PAQR8: variants seen among roughly 807,000 people sequenced by gnomAD.
PAQR8 encodes membrane progestin receptor beta.
A neutral mutation model predicts 25.2 loss-of-function variants in PAQR8; 17 were observed. The ratio of observed to expected loss-of-function variants is 0.67; its 90% CI spans 0.46 to 1.01. PAQR8 has a LOEUF of 1.01. Among genes scored for constraint, PAQR8 ranks in the 50% least tolerant of loss-of-function variants. The probability of loss-of-function intolerance (pLI) is 0.00; values close to 1 mark genes in which losing one functional copy is unlikely to be tolerated. For synonymous variants in PAQR8, 204 were observed against 190.6 expected, an observed-to-expected ratio of 1.07 and a Z score of -0.58; for missense variants, 392 against 448.4, an observed-to-expected ratio of 0.87 and a Z score of 1.14.
intron 1 of PAQR8, among the ~76,000 whole-genome samples, chr6:52,363,187 T>C (rs1189473547): frequency 1.3e-5 from 2 of 152,102 alleles, no homozygotes; most frequent in Non-Finnish European, 2.9e-5. Flanking sequence ...TGGGGGCTGC[T>C]GCACCTTGCC....
chr6:52,389,335 G>A (rs1323224445), intron 1 of PAQR8, among the ~76,000 whole-genome samples: 1 of 152,200 alleles, frequency 6.6e-6, no homozygotes, highest in African/African-American at 2.4e-5. Context: ...ACATTCTGGG[G>A]ACATCTTTCC....
intron 1 of PAQR8, among the ~76,000 whole-genome samples, chr6:52,381,868 C>G (rs1763564871): frequency 6.6e-6 from 1 of 152,116 alleles, no homozygotes; most frequent in African/African-American, 2.4e-5. Context: ...TTAGTTTCTC[C>G]CACATACATT....
At position 52,403,518 on chromosome 6, in the gene PAQR8, T is replaced by G. The variant is rs773960843; in HGVS notation, c.305T>G (p.Leu102Trp). ...RFWAFAEAEA[L>W]PWASTHSLPL... ...TGGGCCTTTGCCGAGGCTGAGGCCT[T>G]GCCATGGGCGTCTACCCACTCCCTG... The change falls in exon 2 of 2, where the codon TTG becomes TGG. Residue 102 changes from leucine to tryptophan, a missense_variant. Physicochemically the swap from Leu to Trp is moderately conservative, Grantham distance 61 (BLOSUM62 -2). Coordinates refer to ENST00000442253, the MANE Select transcript of PAQR8 (RefSeq NM_133367.5). 1.9e-6 allele frequency: 3 copies of G among 1,614,102 alleles called. No individual in the cohort carries two copies. The South Asian group carries it at 3.3e-5, about 18-fold the overall frequency.
chr6:52,379,628 T>TC (rs1157305458), intron 1 of PAQR8, among the ~76,000 whole-genome samples: 233 of 126,316 alleles, frequency 1.8e-3, no homozygotes, highest in Non-Finnish European at 2.3e-3. Context: ...TCTTTTTTTT[T>TC]TTTTTTTTTT....
chr6:52,394,564 C>G (rs1763745125), intron 1 of PAQR8, among the ~76,000 whole-genome samples: 1 of 152,194 alleles, frequency 6.6e-6, no homozygotes, highest in Non-Finnish European at 1.5e-5. Context: ...TGGGCAGCAG[C>G]AGTAACCTGC....
intron 1 of PAQR8, among the ~76,000 whole-genome samples, chr6:52,374,369 C>G (rs931466479): frequency 2.0e-5 from 3 of 152,102 alleles, no homozygotes; most frequent in African/African-American, 7.2e-5. Flanking sequence ...GATATTTACT[C>G]GCTTCTTTCC....
At position 52,367,474 on chromosome 6, in the gene PAQR8, A is replaced by G. The variant is rs150274943; in HGVS notation, c.-53+5225A>G. On this transcript the variant is annotated intron_variant, in intron 1 of 1. Coordinates refer to ENST00000442253, the MANE Select transcript of PAQR8 (RefSeq NM_133367.5). Reference sequence around the variant, plus strand: ...ATCGCAATAAGTGTCAACTCTTAGTATCATGACTGGTAGATCTAGGTCAAA... The same window carrying G: ...ATCGCAATAAGTGTCAACTCTTAGTGTCATGACTGGTAGATCTAGGTCAAA... Among the ~76,000 whole-genome samples, 325 of 152,390 alleles carry G rather than the reference A, an allele frequency of 2.1e-3. 1 individual carries two copies. Among genetic ancestry groups the G allele is most frequent in the African/African-American group, 7.5e-3 (311 of 41,586 alleles).
At chr6:52,395,004 C>T (rs186181503) in intron 1 of PAQR8, among the ~76,000 whole-genome samples, 159 of 152,080 alleles carry the variant, frequency 1.0e-3, no homozygotes, top group Non-Finnish European at 1.5e-3. Context: ...CAGTGACTGA[C>T]GCCTGTAATC....
chr6:52,379,632 T>C (rs1448437441), intron 1 of PAQR8, among the ~76,000 whole-genome samples: 1 of 137,294 alleles, frequency 7.3e-6, no homozygotes, highest in Non-Finnish European at 1.6e-5. Context: ...TTTTTTTTTT[T>C]TTTTTTTTTT....
chr6:52,394,624 CCT>C (rs1233074861), intron 1 of PAQR8, among the ~76,000 whole-genome samples: 1 of 152,190 alleles, frequency 6.6e-6, no homozygotes, highest in African/African-American at 2.4e-5. Flanking sequence ...CCTACGGTGT[CCT>C]CTGTTGCCAG....
intron 1 of PAQR8, among the ~76,000 whole-genome samples, chr6:52,385,100 T>G (rs1763614745): frequency 6.6e-6 from 1 of 152,192 alleles, no homozygotes; most frequent in African/African-American, 2.4e-5. Flanking sequence ...CTATAATGCC[T>G]ACGTGTTGTG....
At chr6:52,367,627 C>T (rs1763368436) in intron 1 of PAQR8, among the ~76,000 whole-genome samples, 1 of 152,180 alleles carries the variant, frequency 6.6e-6, no homozygotes, top group Non-Finnish European at 1.5e-5. Context: ...GTAGGGCCTC[C>T]AGCGTCTCTG....
At chr6:52,381,221 C>T (rs1236608103) in intron 1 of PAQR8, among the ~76,000 whole-genome samples, 1 of 152,228 alleles carries the variant, frequency 6.6e-6, no homozygotes, top group Non-Finnish European at 1.5e-5. Flanking sequence ...AGAATAATTG[C>T]TAAGGTGACA....
rs945775948 is a variant in PAQR8, at chr6:52,405,214, C to T, written c.*936C>T. The T allele has an allele frequency of 6.0e-6, 1 of 166,846 alleles. No homozygotes were observed. Among genetic ancestry groups the T allele is most frequent in the African/African-American group, 2.4e-5 (1 of 41,430 alleles). 10.3% of individuals were successfully genotyped at this position (166,846 alleles called of 1,614,324 possible). On this transcript the variant is annotated 3_prime_UTR_variant, in exon 2 of 2. Transcript: ENST00000442253. ...ATATTTGACCAGCATGTTTTAAAAG[C>T]TCTTGGTAGGATTAGTTGGTTCTAA...
At chr6:52,375,486 CAG>C (rs1472932268) in intron 1 of PAQR8, among the ~76,000 whole-genome samples, 3 of 152,114 alleles carry the variant, frequency 2.0e-5, no homozygotes, top group African/African-American at 7.2e-5. Flanking sequence ...CTCTGGAAAA[CAG>C]AAGAGAAAGC....
rs773890042 is a variant in PAQR8 at position 52,404,262 on chromosome 6, C to A, written c.1049C>A (p.Thr350Asn). The part of the protein sequence containing the change: ...LLRHKVKARL[T>N]KKDS ...AGGCACAAAGTCAAGGCCAGACTGA[C>A]CAAGAAAGATTCCTGAGGCTGGCAA... Residue 350 changes from threonine (T) to asparagine (N), a missense_variant, in exon 2 of 2, where the codon ACC (threonine) becomes AAC (asparagine). Transcript: ENST00000442253. 23 of 1,591,072 alleles carry A rather than the reference C, an allele frequency of 1.4e-5. No individual in the cohort carries two copies. The Admixed American group carries it at 3.9e-4, about 27-fold the overall frequency.
intron 1 of PAQR8, among the ~76,000 whole-genome samples, chr6:52,384,862 C>T (rs964142111): frequency 3.9e-4 from 60 of 152,186 alleles, no homozygotes; most frequent in African/African-American, 1.2e-3. Context: ...TAAAGCTGCA[C>T]GCCTACAATC....
intron 1 of PAQR8, among the ~76,000 whole-genome samples, chr6:52,391,105 T>C (rs1029614561): frequency 1.3e-5 from 2 of 152,252 alleles, no homozygotes; most frequent in African/African-American, 4.8e-5. Flanking sequence ...ATCTGTACCA[T>C]GTTTGTATGA....
Position 52,406,380 on chromosome 6 carries a change from T to G in PAQR8, c.*2102T>G. On this transcript the variant is annotated 3_prime_UTR_variant, in exon 2 of 2. Transcript: ENST00000442253. ...TGTGGGCAGAGATCTTTAGTTCAAA[T>G]CCACGTATTTTTTAAAAGAGAGAAC... The G allele has an allele frequency of 2.4e-6, 1 of 412,260 alleles. No individual in the cohort carries two copies. The highest frequency in any genetic ancestry group is 4.4e-6 in the Non-Finnish European group (1 of 225,494). 25.5% of individuals were successfully genotyped at this position (412,260 alleles called of 1,614,324 possible). A position where few individuals can be genotyped will look rare whatever the true frequency, so the allele number is the denominator to read the frequency against.
Sources: allele counts gnomAD v4.1 joint callset (sites outside exome capture counted in the v4.1 genomes callset), GRCh38; gene constraint gnomAD v4.1.1; transcripts MANE v1.5; gene names NCBI Gene and HGNC (gene_info 2026-07-23, HGNC 2026-07-21).